The following FNDC11 variants were observed in gnomAD, a reference collection of about 807,000 sequenced individuals.
The protein encoded by FNDC11 is fibronectin type III domain containing 11.
In FNDC11, 15 loss-of-function variants were observed where a neutral mutation model predicts 15.8. The observed-to-expected ratio is 0.95, with a 90% confidence interval of 0.63 to 1.46. The LOEUF is 1.46. FNDC11 is among the 40% of genes most tolerant of loss of function. The pLI is 0.00. For synonymous variants in FNDC11, 190 were observed against 203.1 expected (o/e 0.94, Z 0.55); for missense variants, 416 against 443.4 (o/e 0.94, Z 0.55).
At position 63,556,046 on chromosome 20, in the gene FNDC11, A is replaced by T; in HGVS notation, c.383A>T (p.Asp128Val). 6.3e-7 allele frequency: 1 copy of T among 1,599,950 alleles called. No individual in the cohort carries two copies. The highest frequency in any genetic ancestry group is 8.5e-7 in the Non-Finnish European group (1 of 1,179,874). Residue 128 changes from aspartate (D) to valine (V), a missense_variant, in exon 2 of 2, where the codon GAC (aspartate) becomes GTC (valine). Coordinates refer to ENST00000370097, the MANE Select transcript of FNDC11 (RefSeq NM_001319152.2). ...AAGATCCAGCTCCTGCTGCTCGGGG[A>T]CCTGTTGGAACAGCTCGACCATGGC... ...QTKIQLLLLGDLLEQLDHGRA... is the reference protein window; with the variant it reads ...QTKIQLLLLGVLLEQLDHGRA...
At chr20:63,554,565 T>G (rs1351751118) in intron 1 of FNDC11, 1 of 152,262 alleles carries the variant, frequency 6.6e-6, no homozygotes, top group Non-Finnish European at 1.5e-5. Context: ...GAGCAGGGCT[T>G]AGGCCTGGGG....
chr20:63,553,727 G>C (rs369714181), upstream of FNDC11: 3 of 153,440 alleles, frequency 2.0e-5, no homozygotes, highest in African/African-American at 4.8e-5. Context: ...AGCCCGCGGC[G>C]GGGGAAGCCG....
Position 63,556,449 on chromosome 20 carries a change from C to T in FNDC11, c.786C>T (p.Pro262=), listed in dbSNP as rs1018784368. 19 of 1,613,372 alleles carry T rather than the reference C, an allele frequency of 1.2e-5. No homozygotes were observed. Among genetic ancestry groups the T allele is most frequent in the Middle Eastern group, 1.6e-4 (1 of 6,084 alleles). The change falls in exon 2 of 2, where the codon CCC becomes CCT. Residue 262 remains proline (P), a synonymous_variant. Transcript: ENST00000370097. The part of the protein sequence containing the change: ...QQECAQCGVI[P]VAACTFDVRN... The stretch of plus-strand genomic sequence containing the variant: ...AGTGCGCCCAGTGTGGCGTCATCCC[C>T]GTGGCTGCCTGCACCTTCGACGTCC...
At chr20:63,555,534 T>C in intron 1 of FNDC11, 120 bp from the exon 2 acceptor site, 1 of 1,419,022 alleles carries the variant, frequency 7.0e-7, no homozygotes, top group South Asian at 1.5e-5. Context: ...CATCGAGTTG[T>C]GCCCCCGAAG....
At position 63,555,685 on chromosome 20, in the gene FNDC11, C is replaced by T; in HGVS notation, c.22C>T (p.Leu8=). The T allele has an allele frequency of 6.2e-7, 1 of 1,609,690 alleles. No homozygotes were observed. Among genetic ancestry groups the T allele is most frequent in the Non-Finnish European group, 8.5e-7 (1 of 1,177,916 alleles). The change falls in exon 2 of 2, where the codon CTG becomes TTG. Residue 8 remains leucine, a synonymous_variant. Transcript: ENST00000370097. MSTHVAG[L]GLDKMKLGNP... is the part of the protein sequence containing the mutation. ...GATAATGAGCACCCATGTGGCAGGC[C>T]TGGGCCTGGACAAGATGAAGCTGGG...
In FNDC11 at chr20:63,555,688, G is replaced by C. The variant is rs552539833; in HGVS notation, c.25G>C (p.Gly9Arg). Residue 9 changes from glycine (G) to arginine (R), a missense_variant, in exon 2 of 2, where the codon GGC becomes CGC. Physicochemically the swap from Gly to Arg is moderately radical, Grantham distance 125. Coordinates refer to ENST00000370097, the MANE Select transcript of FNDC11 (RefSeq NM_001319152.2). MSTHVAGL[G>R]LDKMKLGNPQ... ...AATGAGCACCCATGTGGCAGGCCTG[G>C]GCCTGGACAAGATGAAGCTGGGCAA... 2 of 1,611,074 alleles carry C rather than the reference G, an allele frequency of 1.2e-6. No individual in the cohort carries two copies. The highest frequency in any genetic ancestry group is 2.7e-5 in the African/African-American group (2 of 75,016).
Position 63,556,490 on chromosome 20 carries a change from A to T in FNDC11, c.827A>T (p.Asn276Ile), listed in dbSNP as rs1164889798. 1 of 1,613,458 alleles carries T rather than the reference A, an allele frequency of 6.2e-7. No individual in the cohort carries two copies. Among genetic ancestry groups the T allele is most frequent in the Non-Finnish European group, 8.5e-7 (1 of 1,179,978 alleles). The change falls in exon 2 of 2, where the codon AAC becomes ATC. Residue 276 changes from asparagine (N) to isoleucine (I), a missense_variant. Physicochemically the swap from Asn to Ile is moderately radical, Grantham distance 149. Transcript: ENST00000370097. ...TTCGACGTCCGAAACCTGCTGCCCA[A>T]CCGATCCTATAAGTTCACCATCAAG... ...CTFDVRNLLP[N>I]RSYKFTIKRA...
chr20:63,556,602 C>T lies in FNDC11; in HGVS notation c.939C>T (p.Ala313=), dbSNP rs770778521. 10 of 1,611,562 alleles carry T rather than the reference C, an allele frequency of 6.2e-6. No homozygotes were observed. The highest frequency in any genetic ancestry group is 7.6e-6 in the Non-Finnish European group (9 of 1,178,862). ...HTKPEPLEGP[A]LSHSV The stretch of plus-strand genomic sequence containing the variant: ...AGCCGGAGCCCCTGGAGGGGCCCGC[C>T]CTCAGCCACTCTGTCTGAGAGATGA... The change falls in exon 2 of 2, where the codon GCC becomes GCT. Residue 313 remains alanine, a synonymous_variant. Coordinates refer to ENST00000370097, the MANE Select transcript of FNDC11 (RefSeq NM_001319152.2).
Position 63,556,130 on chromosome 20 carries a change from G to A in FNDC11, c.467G>A (p.Trp156Ter), listed in dbSNP as rs1376523666. The A allele has an allele frequency of 3.7e-5, 59 of 1,595,232 alleles. No homozygotes were observed. In the Admixed American group the frequency reaches 9.5e-4, roughly 26 times the overall value. The change falls in exon 2 of 2, where the codon TGG becomes TAG. Residue 156 changes from tryptophan (W) to a stop codon, truncating the protein, a stop_gained. Coordinates refer to ENST00000370097, the MANE Select transcript of FNDC11 (RefSeq NM_001319152.2). LOFTEE classifies it high-confidence loss of function. Reference protein sequence around the residue: ...SPDPRPFLADWALVERRLADV... With the variant: ...SPDPRPFLAD ...GACCCACGGCCCTTCCTGGCCGACT[G>A]GGCGCTGGTGGAGCGGCGGCTGGCG...
rs761862075 is a variant in FNDC11 at position 63,555,772 on chromosome 20, G to A, written c.109G>A (p.Ala37Thr). The stretch of plus-strand genomic sequence containing the variant: ...TGACCAGCAGCTGCTGGAACCAGAG[G>A]CGTGGAAGACCTACACCGAGCGCCG... ...ADDQQLLEPE[A>T]WKTYTERRNA... is the part of the protein sequence containing the mutation. The change falls in exon 2 of 2, where the codon GCG becomes ACG. Residue 37 changes from alanine to threonine, a missense_variant. Transcript: ENST00000370097. The A allele has an allele frequency of 1.2e-6, 2 of 1,613,312 alleles. No homozygotes were observed. Among genetic ancestry groups the A allele is most frequent in the African/African-American group, 1.3e-5 (1 of 74,916 alleles).
At position 63,556,626 on chromosome 20, in the gene FNDC11, G is replaced by T; in HGVS notation, c.*6G>T. On this transcript the variant is annotated 3_prime_UTR_variant, in exon 2 of 2. Transcript: ENST00000370097. ...CCCTCAGCCACTCTGTCTGAGAGAT[G>T]ATTTTCTAATATTTATCCACTAATA... The T allele has an allele frequency of 6.3e-7, 1 of 1,597,250 alleles. No homozygotes were observed. Among genetic ancestry groups the T allele is most frequent in the Non-Finnish European group, 8.5e-7 (1 of 1,170,150 alleles).
At chr20:63,553,213 AACAGAT>A (rs764084031), upstream of FNDC11, 213 of 153,136 alleles carry the variant, frequency 1.4e-3, no homozygotes, top group African/African-American at 4.8e-3. Flanking sequence ...AGCCCAACTG[AACAGAT>A]ACAGACGGGA....
Position 63,555,403 on chromosome 20 carries a change from T to A in FNDC11, c.-10-251T>A, listed in dbSNP as rs1347441527. On this transcript the variant is annotated intron_variant, in intron 1 of 1. Coordinates refer to ENST00000370097, the MANE Select transcript of FNDC11 (RefSeq NM_001319152.2). Reference sequence around the variant, plus strand: ...GGCGGTTCTGGCCAGAAGTCCGCAGTCCTAGTTCTTCCCTGTCCTGTCCCA... The same window carrying A: ...GGCGGTTCTGGCCAGAAGTCCGCAGACCTAGTTCTTCCCTGTCCTGTCCCA... 3.4e-5 allele frequency: 18 copies of A among 531,096 alleles called. No homozygotes were observed. In the East Asian group the frequency reaches 5.4e-4, roughly 16 times the overall value. 32.9% of individuals were successfully genotyped at this position (531,096 alleles called of 1,614,324 possible). A position where few individuals can be genotyped will look rare whatever the true frequency, so the allele number is the denominator to read the frequency against.
chr20:63,556,376 A>C lies in FNDC11; in HGVS notation c.713A>C (p.Glu238Ala), dbSNP rs747108951. The C allele has an allele frequency of 9.9e-6, 16 of 1,612,536 alleles. No individual in the cohort carries two copies. Among genetic ancestry groups the C allele is most frequent in the Non-Finnish European group, 8.5e-7 (1 of 1,180,020 alleles). Reference protein sequence around the residue: ...WFVTIQPATSEQYELRFRLLD... With the variant: ...WFVTIQPATSAQYELRFRLLD... ...GTCACCATCCAGCCAGCCACATCGG[A>C]GCAGTATGAGTTGCGCTTCAGGCTG... The change falls in exon 2 of 2, where the codon GAG becomes GCG. Residue 238 changes from glutamate to alanine, a missense_variant. By Grantham distance (107) the Glu-to-Ala change is moderately radical. Coordinates refer to ENST00000370097, the MANE Select transcript of FNDC11 (RefSeq NM_001319152.2).
rs149223719 is a variant in FNDC11 at position 63,555,508 on chromosome 20, C to T, written c.-10-146C>T. ...ATCTGTAGGCTGCCCATCCAGCCCT[C>T]CAGGCAGCCTCTTCCCATCGAGTTG... On this transcript the variant is annotated intron_variant, in intron 1 of 1. Transcript: ENST00000370097. 3.3e-4 allele frequency: 440 copies of T among 1,319,870 alleles called. 1 individual carries two copies. The highest frequency in any genetic ancestry group is 4.7e-4 in the African/African-American group (32 of 67,556). The allele number at this position is 1,319,870 out of a possible 1,614,324, so 81.8% of individuals were successfully genotyped here.
chr20:63,556,471 G>A lies in FNDC11; in HGVS notation c.808G>A (p.Val270Ile), dbSNP rs776493127. The A allele has an allele frequency of 8.1e-6, 13 of 1,613,458 alleles. No individual in the cohort carries two copies. Among genetic ancestry groups the A allele is most frequent in the African/African-American group, 2.7e-5 (2 of 74,918 alleles). ...CCCCGTGGCTGCCTGCACCTTCGACGTCCGAAACCTGCTGCCCAACCGATC... is the reference window on the plus strand; with the variant it reads ...CCCCGTGGCTGCCTGCACCTTCGACATCCGAAACCTGCTGCCCAACCGATC... ...VIPVAACTFD[V>I]RNLLPNRSYK... The change falls in exon 2 of 2, where the codon GTC becomes ATC. Residue 270 changes from valine to isoleucine, a missense_variant. Transcript: ENST00000370097.
Position 63,556,338 on chromosome 20 carries a change from G to T in FNDC11, c.675G>T (p.Arg225=). ...KASAAHQDWA[R]LRWFVTIQPA... is the part of the protein sequence containing the mutation. ...CGGCGGCTCACCAGGACTGGGCCCGGCTGCGCTGGTTCGTCACCATCCAGC... is the reference window on the plus strand; with the variant it reads ...CGGCGGCTCACCAGGACTGGGCCCGTCTGCGCTGGTTCGTCACCATCCAGC... The change falls in exon 2 of 2, where the codon CGG becomes CGT. Residue 225 remains arginine (R), a synonymous_variant. Transcript: ENST00000370097. 3.7e-6 allele frequency: 6 copies of T among 1,611,744 alleles called. No homozygotes were observed. Among genetic ancestry groups the T allele is most frequent in the Non-Finnish European group, 4.2e-6 (5 of 1,179,332 alleles).
Position 63,556,560 on chromosome 20 carries a change from C to T in FNDC11, c.897C>T (p.Ser299=). 3 of 1,613,416 alleles carry T rather than the reference C, an allele frequency of 1.9e-6. No homozygotes were observed. Among genetic ancestry groups the T allele is most frequent in the Non-Finnish European group, 2.5e-6 (3 of 1,180,034 alleles). Residue 299 remains serine (S), a synonymous_variant, in exon 2 of 2, where the codon AGC becomes AGT. Transcript: ENST00000370097. Reference sequence around the variant, plus strand: ...TGGTGTACGAGCCCTGGAGGGACAGCCTCACCCTGCACACCAAGCCGGAGC... The same window carrying T: ...TGGTGTACGAGCCCTGGAGGGACAGTCTCACCCTGCACACCAAGCCGGAGC... ...STLVYEPWRD[S]LTLHTKPEPL... is the part of the protein sequence containing the mutation.
rs1345899812 is a variant in FNDC11 at position 63,556,643 on chromosome 20, C to T, written c.*23C>T. 8 of 1,584,922 alleles carry T rather than the reference C, an allele frequency of 5.0e-6. No homozygotes were observed. The highest frequency in any genetic ancestry group is 1.4e-5 in the African/African-American group (1 of 73,974). On this transcript the variant is annotated 3_prime_UTR_variant, in exon 2 of 2. Transcript: ENST00000370097. ...TGAGAGATGATTTTCTAATATTTAT[C>T]CACTAATAAAGAAGAGTGTAAATGC...
Sources: gnomAD v4.1 joint callset for allele counts on GRCh38, gnomAD v4.1.1 for gene constraint, MANE v1.5 for transcripts, NCBI Gene and HGNC (gene_info 2026-07-23, HGNC 2026-07-21) for gene names.